Variants in MFSD1 observed in about 807,000 individuals in gnomAD.
The protein encoded by MFSD1 is major facilitator superfamily domain containing 1, also known as lysosomal dipeptide transporter MFSD1.
A neutral mutation model predicts 67.1 loss-of-function variants in MFSD1; 59 were observed. The ratio of observed to expected loss-of-function variants is 0.88; its 90% CI spans 0.71 to 1.09. MFSD1 has a LOEUF of 1.09. Among genes scored for constraint, MFSD1 ranks in the 50% least tolerant of loss-of-function variants. The pLI is 0.00. For missense variants in MFSD1, 552 were observed against 566.1 expected, an observed-to-expected ratio of 0.97 and a Z score of 0.25; for synonymous variants, 213 against 200.3, an observed-to-expected ratio of 1.06 and a Z score of -0.54.
At chr3:158,802,718 T>G in intron 1 of MFSD1, 1 of 381,678 alleles carries the variant, frequency 2.6e-6, no homozygotes, top group East Asian at 7.0e-5. Context: ...TGGTTTTAGG[T>G]GAGACAGGGG....
At chr3:158,807,819 C>A (rs560263946) in intron 5 of MFSD1, among the ~76,000 whole-genome samples, 1 of 152,222 alleles carries the variant, frequency 6.6e-6, no homozygotes, top group Non-Finnish European at 1.5e-5. Flanking sequence ...TTCACTCTTT[C>A]TTAGCAAGTG....
chr3:158,827,715 C>T (rs913768848), intron 15 of MFSD1, among the ~76,000 whole-genome samples: 1 of 151,962 alleles, frequency 6.6e-6, no homozygotes, highest in African/African-American at 2.4e-5. Flanking sequence ...TGCGCCTGGC[C>T]TGGGCTTTGA....
At chr3:158,807,832 G>A (rs1460163932) in intron 5 of MFSD1, among the ~76,000 whole-genome samples, 1 of 152,216 alleles carries the variant, frequency 6.6e-6, no homozygotes, top group African/African-American at 2.4e-5. Context: ...AGCAAGTGAT[G>A]CGAGGGTCCT....
chr3:158,822,008 C>T lies in MFSD1; in HGVS notation c.945C>T (p.Pro315=). ...GTGTTGTATATGTCATATCAGCTCCCATGTCCCCGGTGTTTGGGCTCCTGG... is the reference window on the plus strand; with the variant it reads ...GTGTTGTATATGTCATATCAGCTCCTATGTCCCCGGTGTTTGGGCTCCTGG... ...INSVVYVISA[P]MSPVFGLLVD... The change falls in exon 11 of 16, where the codon CCC becomes CCT. Residue 315 remains proline (P), a synonymous_variant. Transcript: ENST00000415822. 1 of 1,613,862 alleles carries T rather than the reference C, an allele frequency of 6.2e-7. No homozygotes were observed. The highest frequency in any genetic ancestry group is 1.1e-5 in the South Asian group (1 of 91,066).
At chr3:158,804,138 A>G (rs1178737031) in intron 1 of MFSD1, 181 bp from the exon 2 acceptor site, 2 of 537,760 alleles carry the variant, frequency 3.7e-6, no homozygotes, top group Non-Finnish European at 6.6e-6. Flanking sequence ...AACACTACCA[A>G]TTTATGGAAG....
Position 158,809,200 on chromosome 3 carries a change from A to C in MFSD1, c.462A>C (p.Ala154=). ...TTAGGATTGGTGGCGAGTCCTTAGCAGTTGCCCAGAATACATATGCTGTGA... is the reference window on the plus strand; with the variant it reads ...TTAGGATTGGTGGCGAGTCCTTAGCCGTTGCCCAGAATACATATGCTGTGA... ...FVFGIGGESL[A]VAQNTYAVSW... is the part of the protein sequence containing the mutation. Residue 154 remains alanine (A), a synonymous_variant, in exon 6 of 16, where the codon GCA becomes GCC. Transcript: ENST00000415822. 6.3e-7 allele frequency: 1 copy of C among 1,585,694 alleles called. No individual in the cohort carries two copies.
intron 2 of MFSD1, among the ~76,000 whole-genome samples, chr3:158,804,616 A>G (rs1194549564): frequency 6.6e-6 from 1 of 152,220 alleles, no homozygotes; most frequent in Non-Finnish European, 1.5e-5. Context: ...ATTATGTGGT[A>G]TTTCCACAGT....
At chr3:158,805,606 A>G in intron 3 of MFSD1, 132 bp downstream of exon 3, 1 of 767,782 alleles carries the variant, frequency 1.3e-6, no homozygotes, top group Non-Finnish European at 2.2e-6. Context: ...TTTTTTAAAA[A>G]AATGATTTTT....
At chr3:158,807,944 G>T (rs979708917) in intron 5 of MFSD1, among the ~76,000 whole-genome samples, 18 of 152,304 alleles carry the variant, frequency 1.2e-4, no homozygotes, top group Admixed American at 2.0e-4. Context: ...GAATTGCATT[G>T]TCTGTTCAGT....
chr3:158,809,151 TG>T (rs771705357), intron 5 of MFSD1, 27 bp from the exon 6 acceptor site: 1 of 1,410,932 alleles, frequency 7.1e-7, no homozygotes, highest in Non-Finnish European at 9.7e-7. Context: ...TTGTGACTTC[TG>T]GTTTTTTTTT....
intron 15 of MFSD1, 65 bp from the exon 16 acceptor site, chr3:158,828,914 A>G (rs1731146882): frequency 6.5e-7 from 1 of 1,542,608 alleles, no homozygotes; most frequent in African/African-American, 1.4e-5. Flanking sequence ...TTTTCATTTT[A>G]TAAGGCAGGT....
chr3:158,804,214 C>A, intron 1 of MFSD1, 105 bp from the exon 2 acceptor site: 1 of 710,292 alleles, frequency 1.4e-6, no homozygotes, highest in South Asian at 1.9e-5. Flanking sequence ...TCTGTAGTGT[C>A]AACCCGTAGT....
rs762119825 is a variant in MFSD1 at position 158,802,075 on chromosome 3, A to C, written c.-78A>C. 13 of 1,566,624 alleles carry C rather than the reference A, an allele frequency of 8.3e-6. No homozygotes were observed. Among genetic ancestry groups the C allele is most frequent in the South Asian group, 2.3e-5 (2 of 86,246 alleles). On this transcript the variant is annotated 5_prime_UTR_variant, in exon 1 of 16. Coordinates refer to ENST00000415822, the MANE Select transcript of MFSD1 (RefSeq NM_022736.4). ...CCGGAGTCATGTGACCGCCGTCTTG[A>C]CAGTGTTCCACGGGCGCTGCTTCCT...
intron 6 of MFSD1, 67 bp from the exon 7 acceptor site, chr3:158,813,898 T>G: frequency 8.6e-7 from 1 of 1,163,926 alleles, no homozygotes; most frequent in Non-Finnish European, 1.2e-6. Flanking sequence ...TCAAATCCCT[T>G]TTTTTGAACA....
At chr3:158,807,176 CT>C in intron 4 of MFSD1, 94 bp downstream of exon 4, 2 of 1,204,136 alleles carry the variant, frequency 1.7e-6, no homozygotes, top group Middle Eastern at 1.9e-4. Flanking sequence ...TAATTAATGC[CT>C]AGCTTAATTA....
At position 158,829,024 on chromosome 3, in the gene MFSD1, C is replaced by A. The variant is rs371107884; in HGVS notation, c.*42C>A. ...TGTCATGAGAATGGGCTTAACACAT[C>A]GTTGGTTTGAAAACTTCCATTTTTA... is the stretch of plus-strand genomic sequence containing the variant. On this transcript the variant is annotated 3_prime_UTR_variant, in exon 16 of 16. Transcript: ENST00000415822. The A allele has an allele frequency of 2.6e-6, 4 of 1,567,242 alleles. No individual in the cohort carries two copies. Among genetic ancestry groups the A allele is most frequent in the Admixed American group, 1.9e-5 (1 of 53,158 alleles).
chr3:158,826,661 T>C (rs896243520), intron 14 of MFSD1, among the ~76,000 whole-genome samples: 6 of 148,466 alleles, frequency 4.0e-5, no homozygotes, highest in Admixed American at 2.0e-4. Context: ...ATTTTAATAG[T>C]TTTTTTTTTC....
chr3:158,826,060 A>G lies in MFSD1; in HGVS notation c.1334A>G (p.Gln445Arg). 6.2e-7 allele frequency: 1 copy of G among 1,613,306 alleles called. No homozygotes were observed. The highest frequency in any genetic ancestry group is 8.5e-7 in the Non-Finnish European group (1 of 1,179,398). The change falls in exon 14 of 16, where the codon CAG (glutamine) becomes CGG (arginine). Residue 445 changes from glutamine (Q) to arginine (R), a missense_variant and splice_region_variant. Coordinates refer to ENST00000415822, the MANE Select transcript of MFSD1 (RefSeq NM_022736.4). ...TTACTCTATTTGGTGAATCGTGCCC[A>G]GGGTAAGTAGAAGATCTGATATTTG... Reference protein sequence around the residue: ...VVLLYLVNRAQGGNLNYSARQ... With the variant: ...VVLLYLVNRARGGNLNYSARQ...
chr3:158,808,065 C>T (rs1448182197), intron 5 of MFSD1, among the ~76,000 whole-genome samples: 1 of 152,158 alleles, frequency 6.6e-6, no homozygotes, highest in East Asian at 1.9e-4. Context: ...GTGTCAGGAG[C>T]ATGTAGACAT....
Sources: gnomAD v4.1 joint callset for allele counts (sites outside exome capture counted in the v4.1 genomes callset) on GRCh38, gnomAD v4.1.1 for gene constraint, MANE v1.5 for transcripts, NCBI Gene and HGNC (gene_info 2026-07-23, HGNC 2026-07-21) for gene names.